The following DBF4B variants were observed in gnomAD, a reference collection of about 807,000 sequenced individuals.
DBF4B encodes DBF4B-CDC7 kinase regulatory subunit.
Under a neutral mutation model 53.4 loss-of-function variants are expected in DBF4B, and 49 were observed. The observed-to-expected ratio is 0.92, with a 90% CI of 0.73 to 1.16. DBF4B has a LOEUF of 1.16. Among genes scored for constraint, DBF4B ranks in the 50% most tolerant of loss-of-function variants. The pLI is 0.00. For missense variants in DBF4B, 692 were observed against 775.0 expected, an observed-to-expected ratio of 0.89 and a Z score of 1.27; for synonymous variants, 257 against 288.7, an observed-to-expected ratio of 0.89 and a Z score of 1.11.
chr17:44,738,427 G>A lies in DBF4B; in HGVS notation c.713+3G>A, dbSNP rs776912275. The A allele has an allele frequency of 3.1e-6, 5 of 1,613,482 alleles. No homozygotes were observed. The East Asian group carries it at 8.9e-5, about 29-fold the overall frequency. On this transcript the variant is annotated splice_donor_region_variant and intron_variant, in intron 9 of 13. Transcript: ENST00000315005. ...CTCAAAATCGAAGATGAAAGCAGGT[G>A]AGTGGGACCTCCTTTCTCTGCTTGC...
intron 3 of DBF4B, among the ~76,000 whole-genome samples, chr17:44,727,198 C>G (rs1013945742): frequency 1.3e-5 from 2 of 151,310 alleles, no homozygotes; most frequent in Admixed American, 6.6e-5. Flanking sequence ...GGGCAGATCA[C>G]CTGAGGTCAG....
At position 44,730,063 on chromosome 17, in the gene DBF4B, C is replaced by T; in HGVS notation, c.384C>T (p.Ser128=). ...ETSAMVDPKG[S]HPRPSRKPVD... is the part of the protein sequence containing the mutation. ...CGGCCATGGTTGATCCAAAAGGCAG[C>T]CACCCCAGGCCTTCACGGAAACCCG... The change falls in exon 4 of 14, where the codon AGC becomes AGT. Residue 128 remains serine, a synonymous_variant. Coordinates refer to ENST00000315005, the MANE Select transcript of DBF4B (RefSeq NM_145663.3). 1 of 1,612,764 alleles carries T rather than the reference C, an allele frequency of 6.2e-7. No individual in the cohort carries two copies. The highest frequency in any genetic ancestry group is 8.5e-7 in the Non-Finnish European group (1 of 1,180,014).
At chr17:44,741,638 G>A (rs989933452) in intron 10 of DBF4B, among the ~76,000 whole-genome samples, 186 bp downstream of exon 10, 5 of 152,300 alleles carry the variant, frequency 3.3e-5, no homozygotes, top group African/African-American at 7.2e-5. Context: ...TTCTTCATCC[G>A]TACTGAAGAA....
intron 10 of DBF4B, among the ~76,000 whole-genome samples, chr17:44,746,688 G>A (rs913365032): frequency 7.2e-5 from 11 of 152,048 alleles, no homozygotes; most frequent in Middle Eastern, 3.4e-3. Flanking sequence ...GCATTGTGGC[G>A]GGCGCCTGTA....
At chr17:44,727,650 A>G (rs541799815) in intron 3 of DBF4B, among the ~76,000 whole-genome samples, 6 of 152,216 alleles carry the variant, frequency 3.9e-5, no homozygotes, top group Non-Finnish European at 8.8e-5. Context: ...AGCCTTTGCT[A>G]TGTAAAACAC....
At chr17:44,720,898 T>G (rs1016137216) in intron 2 of DBF4B, among the ~76,000 whole-genome samples, 1 of 152,032 alleles carries the variant, frequency 6.6e-6, no homozygotes, top group Non-Finnish European at 1.5e-5. Flanking sequence ...TCGCTTGGTT[T>G]CCCAGGCTTG....
At chr17:44,748,743 G>T in intron 13 of DBF4B, 1 of 1,357,856 alleles carries the variant, frequency 7.4e-7, no homozygotes, top group East Asian at 4.3e-5. Flanking sequence ...AGAAGAGAGT[G>T]GGGGCCTCCT....
At chr17:44,742,573 C>G (rs1311057338) in intron 10 of DBF4B, among the ~76,000 whole-genome samples, 1 of 151,884 alleles carries the variant, frequency 6.6e-6, no homozygotes, top group African/African-American at 2.4e-5. Context: ...AGAGTGAAAC[C>G]CTGATGCAGG....
chr17:44,713,890 G>A (rs1343626353), intron 2 of DBF4B, among the ~76,000 whole-genome samples: 6 of 151,428 alleles, frequency 4.0e-5, no homozygotes, highest in East Asian at 3.9e-4. Flanking sequence ...TTCATCCTCC[G>A]ATCTCCCCTC....
Position 44,748,376 on chromosome 17 carries a change from T to C in DBF4B, c.1100T>C (p.Leu367Pro). Reference sequence around the variant, plus strand: ...TCCCCAGCTTCTGATTGTGACCCTCTCTGTCCTGAGACTCTGCACCCCCAT... The same window carrying C: ...TCCCCAGCTTCTGATTGTGACCCTCCCTGTCCTGAGACTCTGCACCCCCAT... ...SGSPASDCDPLCPETLHPHQP... is the reference protein window; with the variant it reads ...SGSPASDCDPPCPETLHPHQP... The change falls in exon 13 of 14, where the codon CTC becomes CCC. Residue 367 changes from leucine to proline, a missense_variant. Physicochemically the swap from Leu to Pro is moderately conservative, Grantham distance 98. Around this residue, in one of 3 missense-constraint regions of DBF4B, gnomAD observed 597 missense variants for 665.8 expected, o/e 0.90. Coordinates refer to ENST00000315005, the MANE Select transcript of DBF4B (RefSeq NM_145663.3). The C allele has an allele frequency of 6.2e-7, 1 of 1,611,396 alleles. No homozygotes were observed. Among genetic ancestry groups the C allele is most frequent in the Non-Finnish European group, 8.5e-7 (1 of 1,178,604 alleles).
intron 2 of DBF4B, among the ~76,000 whole-genome samples, chr17:44,722,076 A>G (rs1460880469): frequency 6.6e-6 from 1 of 151,864 alleles, no homozygotes; most frequent in Non-Finnish European, 1.5e-5. Flanking sequence ...GGAGGTTGCG[A>G]TAAGCCGAGA....
At chr17:44,721,638 A>C (rs1230932374) in intron 2 of DBF4B, among the ~76,000 whole-genome samples, 1 of 152,030 alleles carries the variant, frequency 6.6e-6, no homozygotes. Context: ...CATTATTATG[A>C]CAGATAGACA....
chr17:44,728,709 C>T (rs930739580), intron 3 of DBF4B, among the ~76,000 whole-genome samples: 7 of 151,294 alleles, frequency 4.6e-5, no homozygotes, highest in African/African-American at 9.7e-5. Flanking sequence ...CTCAGCTATT[C>T]GGGAGGCTGA....
At chr17:44,740,058 A>G (rs1254766855) in intron 9 of DBF4B, among the ~76,000 whole-genome samples, 7 of 151,906 alleles carry the variant, frequency 4.6e-5, no homozygotes, top group African/African-American at 1.7e-4. Context: ...CACAGTGCCC[A>G]GCCTCTTGTG....
intron 2 of DBF4B, among the ~76,000 whole-genome samples, chr17:44,714,498 CAAGT>C (rs1428670798): frequency 1.3e-5 from 2 of 152,050 alleles, no homozygotes; most frequent in East Asian, 3.9e-4. Context: ...TTTCACTAAA[CAAGT>C]AAGAGGTATC....
At chr17:44,716,513 A>G (rs865928646) in intron 2 of DBF4B, among the ~76,000 whole-genome samples, 1 of 152,104 alleles carries the variant, frequency 6.6e-6, no homozygotes, top group African/African-American at 2.4e-5. Context: ...TTTCAGCCCC[A>G]AGACTATTGA....
intron 5 of DBF4B, 89 bp from the exon 6 acceptor site, chr17:44,732,089 G>A: frequency 7.5e-7 from 1 of 1,327,598 alleles, no homozygotes; most frequent in Non-Finnish European, 1.1e-6. Context: ...GGATGACTCA[G>A]GCCTCCCAGA....
At chr17:44,728,148 C>T (rs1974524452) in intron 3 of DBF4B, among the ~76,000 whole-genome samples, 1 of 152,072 alleles carries the variant, frequency 6.6e-6, no homozygotes, top group Non-Finnish European at 1.5e-5. Flanking sequence ...CCAAGATGGC[C>T]TCACTCACAC....
intron 3 of DBF4B, among the ~76,000 whole-genome samples, chr17:44,725,684 C>CTTTTTTT (rs68091397): frequency 0.043 from 3,765 of 87,486 alleles, 487 homozygotes; most frequent in African/African-American, 0.14. Context: ...TTTTGTGCTT[C>CTTTTTTT]TTTTTTTTTT....
Sources: gnomAD v4.1 joint callset for allele counts (sites outside exome capture counted in the v4.1 genomes callset) on GRCh38, gnomAD v4.1.1 for gene constraint, gnomAD v4.1.1 regional missense constraint, MANE v1.5 for transcripts, NCBI Gene and HGNC (gene_info 2026-07-23, HGNC 2026-07-21) for gene names.